LRMDA: variants seen among roughly 807,000 people sequenced by gnomAD.
LRMDA encodes the protein leucine rich melanocyte differentiation associated.
In LRMDA, 18 loss-of-function variants were observed where a neutral mutation model predicts 29.8. That is an observed-to-expected ratio of 0.60 (90% CI 0.42 to 0.90). LRMDA has a LOEUF of 0.90. LRMDA is among the 40% of genes least tolerant of loss of function. The probability of loss-of-function intolerance (pLI) is 0.00; values close to 1 mark genes in which losing one functional copy is unlikely to be tolerated. For missense variants in LRMDA, 273 were observed against 273.9 expected, an observed-to-expected ratio of 1.00 and a Z score of 0.02; for synonymous variants, 125 against 109.4, an observed-to-expected ratio of 1.14 and a Z score of -0.89.
intron 2 of LRMDA, among the ~76,000 whole-genome samples, chr10:75,921,629 C>T (rs1226016198): frequency 6.6e-6 from 1 of 152,160 alleles, no homozygotes; most frequent in Non-Finnish European, 1.5e-5. Context: ...TGCATGTGTG[C>T]ATGTGGGCAT....
intron 2 of LRMDA, among the ~76,000 whole-genome samples, chr10:75,670,722 T>G (rs1841880989): frequency 6.6e-6 from 1 of 152,176 alleles, no homozygotes; most frequent in African/African-American, 2.4e-5. Context: ...ATGAAAAGTT[T>G]TAATTCAGGT....
chr10:76,020,264 T>C (rs916970046), intron 2 of LRMDA, among the ~76,000 whole-genome samples: 1 of 152,190 alleles, frequency 6.6e-6, no homozygotes, highest in Non-Finnish European at 1.5e-5. Context: ...TTTTATTTGG[T>C]TTCCCTATGC....
intron 2 of LRMDA, among the ~76,000 whole-genome samples, chr10:75,651,010 C>T (rs1352737167): frequency 6.6e-6 from 1 of 152,156 alleles, no homozygotes; most frequent in Non-Finnish European, 1.5e-5. Flanking sequence ...AGAAAAAAAA[C>T]ACTTGGCCCA....
chr10:75,958,450 C>G (rs1846702750), intron 2 of LRMDA, among the ~76,000 whole-genome samples: 1 of 152,034 alleles, frequency 6.6e-6, no homozygotes, highest in Non-Finnish European at 1.5e-5. Flanking sequence ...GTGAATTGAT[C>G]ATTGCAGGCA....
At chr10:75,693,704 C>G (rs1294612533) in intron 2 of LRMDA, among the ~76,000 whole-genome samples, 1 of 152,150 alleles carries the variant, frequency 6.6e-6, no homozygotes, top group Non-Finnish European at 1.5e-5. Flanking sequence ...GCCTTATTCT[C>G]TTTGAGCTAC....
rs199893437 is a variant in LRMDA at position 75,459,557 on chromosome 10, A to G, written c.131+21063A>G. Among the ~76,000 whole-genome samples, 4 of 152,336 alleles carry G rather than the reference A, an allele frequency of 2.6e-5. No individual in the cohort carries two copies. In the East Asian group the frequency reaches 7.7e-4, roughly 29 times the overall value. On this transcript the variant is annotated intron_variant, in intron 2 of 6. Transcript: ENST00000611255. ...TCAAAGTTATTTTTCTAGCAGCAGA[A>G]TCCTTGTCAAACAAATTATAGAAAG...
chr10:76,031,475 C>T (rs1262514201), intron 2 of LRMDA, among the ~76,000 whole-genome samples: 2 of 152,072 alleles, frequency 1.3e-5, no homozygotes, highest in Non-Finnish European at 2.9e-5. Context: ...TAGACACTCC[C>T]AGGTTTTGGC....
intron 6 of LRMDA, among the ~76,000 whole-genome samples, chr10:76,449,550 C>A (rs1192613077): frequency 1.3e-5 from 2 of 151,740 alleles, no homozygotes; most frequent in Admixed American, 6.6e-5. Flanking sequence ...TTTGTAACAC[C>A]TATTAGGAAA....
chr10:76,543,276 G>A (rs75721734), intron 6 of LRMDA, among the ~76,000 whole-genome samples: 6 of 151,612 alleles, frequency 4.0e-5, no homozygotes. Flanking sequence ...GCATGAGATT[G>A]CCCCCATGAT....
At chr10:76,158,298 T>C (rs1850579262) in intron 5 of LRMDA, among the ~76,000 whole-genome samples, 1 of 152,136 alleles carries the variant, frequency 6.6e-6, no homozygotes, top group Non-Finnish European at 1.5e-5. Flanking sequence ...TAACCTTCAT[T>C]TTTGCTTTCC....
intron 2 of LRMDA, among the ~76,000 whole-genome samples, chr10:75,713,078 G>C (rs955220576): frequency 6.6e-6 from 1 of 152,090 alleles, no homozygotes; most frequent in Non-Finnish European, 1.5e-5. Flanking sequence ...CACTTCTTTT[G>C]TGCAGGAAAA....
chr10:75,883,902 C>T (rs1050341267), intron 2 of LRMDA, among the ~76,000 whole-genome samples: 1 of 151,452 alleles, frequency 6.6e-6, no homozygotes, highest in Admixed American at 6.6e-5. Context: ...TCATTGCTTG[C>T]CAAATAAAAG....
chr10:76,037,635 G>A (rs564280977), intron 3 of LRMDA, among the ~76,000 whole-genome samples: 3 of 152,286 alleles, frequency 2.0e-5, no homozygotes, highest in African/African-American at 7.2e-5. Context: ...CAGCAGGGTT[G>A]GTTTCTTGGT....
intron 6 of LRMDA, among the ~76,000 whole-genome samples, chr10:76,473,652 C>T (rs1183124148): frequency 1.3e-5 from 2 of 150,354 alleles, no homozygotes; most frequent in African/African-American, 4.9e-5. Flanking sequence ...ACTGCTAAAA[C>T]AAATAAATGA....
At chr10:76,357,254 G>A (rs548689405) in intron 6 of LRMDA, among the ~76,000 whole-genome samples, 1 of 152,294 alleles carries the variant, frequency 6.6e-6, no homozygotes, top group Admixed American at 6.5e-5. Flanking sequence ...CTTGAATAGA[G>A]CTGGGGGATC....
intron 2 of LRMDA, among the ~76,000 whole-genome samples, chr10:75,875,502 T>G (rs931049895): frequency 3.3e-5 from 5 of 152,252 alleles, no homozygotes; most frequent in East Asian, 1.9e-4. Context: ...GGCATGATCT[T>G]GGCTCACTGC....
At chr10:76,345,196 A>G (rs1433517724) in intron 6 of LRMDA, among the ~76,000 whole-genome samples, 1 of 148,246 alleles carries the variant, frequency 6.7e-6, no homozygotes, top group East Asian at 2.0e-4. Context: ...CCTCCCGAGT[A>G]GCTGGGACTA....
chr10:75,710,379 G>A (rs949913044), intron 2 of LRMDA, among the ~76,000 whole-genome samples: 7 of 152,094 alleles, frequency 4.6e-5, no homozygotes, highest in Admixed American at 1.3e-4. Context: ...CTAACAATAC[G>A]GTTAATAGCA....
chr10:76,101,877 G>A (rs944029670), intron 5 of LRMDA, among the ~76,000 whole-genome samples: 13 of 152,026 alleles, frequency 8.6e-5, no homozygotes, highest in African/African-American at 2.9e-4. Context: ...AGTCAAGCTC[G>A]TAACCCACAA....
Sources: allele counts gnomAD v4.1 joint callset (sites outside exome capture counted in the v4.1 genomes callset), GRCh38; gene constraint gnomAD v4.1.1; transcripts MANE v1.5; gene names NCBI Gene and HGNC (gene_info 2026-07-23, HGNC 2026-07-21).